The following MAP3K11 variants were observed in gnomAD, a reference collection of about 807,000 sequenced individuals.
MAP3K11 encodes mitogen-activated protein kinase kinase kinase 11.
Under a neutral mutation model 84.9 loss-of-function variants are expected in MAP3K11, and 46 were observed. The ratio of observed to expected loss-of-function variants is 0.54; its 90% confidence interval spans 0.43 to 0.69. The LOEUF (loss-of-function observed/expected upper bound fraction) is 0.69, where lower values mean the gene tolerates loss of function less well. Among genes scored for constraint, MAP3K11 ranks in the 30% least tolerant of loss-of-function variants. The pLI, the probability that MAP3K11 is intolerant of heterozygous loss-of-function variation, is 0.00. For synonymous variants in MAP3K11, 527 were observed against 514.7 expected (o/e 1.02, Z -0.32); for missense variants, 1,053 against 1,198.3 (o/e 0.88, Z 1.79).
chr11:65,605,207 G>A (rs970895869), intron 8 of MAP3K11, among the ~76,000 whole-genome samples: 15 of 152,170 alleles, frequency 9.9e-5, no homozygotes, highest in Non-Finnish European at 1.6e-4. Flanking sequence ...GGCAGTTACC[G>A]TCATGGAGAA....
chr11:65,613,257 A>T lies in MAP3K11; in HGVS notation c.500T>A (p.Leu167His). 6.2e-7 allele frequency: 1 copy of T among 1,610,068 alleles called. No homozygotes were observed. The highest frequency in any genetic ancestry group is 2.2e-5 in the East Asian group (1 of 44,790). Residue 167 changes from leucine (L) to histidine (H), a missense_variant, in exon 1 of 10, where the codon CTC becomes CAC. Coordinates refer to ENST00000309100, the MANE Select transcript of MAP3K11 (RefSeq NM_002419.4). ...TAESVRQEAR[L>H]FAMLAHPNII... ...GTTGGGGTGTGCCAGCATGGCGAAG[A>T]GCCGGGCCTCCTGGCGAACGCTCTC...
At chr11:65,607,028 G>T in intron 5 of MAP3K11, 1 of 636,542 alleles carries the variant, frequency 1.6e-6, no homozygotes, top group Non-Finnish European at 2.5e-6. Context: ...CCGCCCACTA[G>T]ACCTTCCCAG....
rs561470290 is a variant in MAP3K11 at position 65,613,469 on chromosome 11, C to T, written c.288G>A (p.Pro96=). ...GQVGGQVGIF[P]SNYVSRGGGP... is the part of the protein sequence containing the mutation. ...CGCCACCCCGAGACACATAGTTGGA[C>T]GGGAAGATGCCCACCTGGCCACCCA... The change falls in exon 1 of 10, where the codon CCG becomes CCA. Residue 96 remains proline, a synonymous_variant. Coordinates refer to ENST00000309100, the MANE Select transcript of MAP3K11 (RefSeq NM_002419.4). 12 of 1,612,150 alleles carry T rather than the reference C, an allele frequency of 7.4e-6. No homozygotes were observed. Among genetic ancestry groups the T allele is most frequent in the Middle Eastern group, 1.7e-4 (1 of 6,060 alleles).
chr11:65,598,501 G>C lies in MAP3K11; in HGVS notation c.2334C>G (p.Pro778=), dbSNP rs759384386. 6.2e-7 allele frequency: 1 copy of C among 1,613,792 alleles called. No homozygotes were observed. The highest frequency in any genetic ancestry group is 2.2e-5 in the East Asian group (1 of 44,870). ...RPSPLRSRID[P]WSFVSAGPRP... ...GTGGCCCAGCTGACACAAAGCTCCA[G>C]GGATCAATGCGGCTGCGAAGGGGCG... is the stretch of plus-strand genomic sequence containing the variant. The change falls in exon 10 of 10, where the codon CCC becomes CCG. Residue 778 remains proline, a synonymous_variant. Transcript: ENST00000309100.
At chr11:65,601,617 G>A (rs181380377) in intron 8 of MAP3K11, among the ~76,000 whole-genome samples, 6 of 151,336 alleles carry the variant, frequency 4.0e-5, no homozygotes, top group East Asian at 2.0e-4. Context: ...TTAGCCAGGC[G>A]TGGTGGTGGG....
At chr11:65,612,746 G>A (rs1264059719) in intron 1 of MAP3K11, 2 of 357,734 alleles carry the variant, frequency 5.6e-6, no homozygotes, top group African/African-American at 4.2e-5. Context: ...GGATGCTTAT[G>A]GCCCACCTGA....
At chr11:65,599,364 T>G (rs909343410) in intron 9 of MAP3K11, 30 bp downstream of exon 9, 2 of 1,530,436 alleles carry the variant, frequency 1.3e-6, no homozygotes, top group East Asian at 2.6e-5. Context: ...GTCTCCCATA[T>G]GTGAAGCAGG....
Position 65,613,814 on chromosome 11 carries a change from AC to A in MAP3K11, c.-59del. 2.1e-6 allele frequency: 3 copies of A among 1,453,250 alleles called. No homozygotes were observed. Among genetic ancestry groups the A allele is most frequent in the Non-Finnish European group, 2.7e-6 (3 of 1,105,960 alleles). 90.0% of individuals were successfully genotyped at this position (1,453,250 alleles called of 1,614,324 possible). On this transcript the variant is annotated 5_prime_UTR_variant, in exon 1 of 10. Transcript: ENST00000309100. The stretch of plus-strand genomic sequence containing the variant: ...CCTTCTCTGGGTGCCCGTGGTCCCC[AC>A]CCCCGCTGGCTGCCAAGGCCCTAGT...
At chr11:65,608,716 C>A in intron 1 of MAP3K11, 1 of 400,530 alleles carries the variant, frequency 2.5e-6, no homozygotes, top group Non-Finnish European at 4.6e-6. Context: ...CTCCTGGGTT[C>A]AAGCGATTGT....
chr11:65,610,277 T>C (rs1854558589), intron 1 of MAP3K11: 1 of 152,190 alleles, frequency 6.6e-6, no homozygotes, highest in Non-Finnish European at 1.5e-5. Flanking sequence ...ATCTACCCAC[T>C]CCTCTGAGCC....
chr11:65,607,313 C>T lies in MAP3K11; in HGVS notation c.1446G>A (p.Lys482=). The change falls in exon 5 of 10, where the codon AAG becomes AAA. Residue 482 remains lysine, a synonymous_variant. Coordinates refer to ENST00000309100, the MANE Select transcript of MAP3K11 (RefSeq NM_002419.4). ...RRRRGTFKRS[K]LRARDGGERI... ...GCTCGCCGCCGTCGCGCGCCCGGAG[C>T]TTGCTGCGCTTGAATGTCCCGCGGC... 2.0e-6 allele frequency: 3 copies of T among 1,522,094 alleles called. No homozygotes were observed. The highest frequency in any genetic ancestry group is 2.6e-6 in the Non-Finnish European group (3 of 1,143,912). 94.3% of individuals were successfully genotyped at this position (1,522,094 alleles called of 1,614,324 possible). A position where few individuals can be genotyped will look rare whatever the true frequency, so the allele number is the denominator to read the frequency against.
At chr11:65,601,847 G>A (rs866885516) in intron 8 of MAP3K11, among the ~76,000 whole-genome samples, 18 of 151,514 alleles carry the variant, frequency 1.2e-4, no homozygotes, top group Middle Eastern at 3.2e-3. Context: ...CCCCCACTTC[G>A]CAGGTGAAGA....
intron 8 of MAP3K11, among the ~76,000 whole-genome samples, chr11:65,601,433 G>A (rs1392582993): frequency 1.3e-5 from 2 of 152,162 alleles, no homozygotes; most frequent in South Asian, 2.1e-4. Context: ...TCAGGGCAGT[G>A]TTTAACATGT....
chr11:65,613,980 G>C lies in MAP3K11; in HGVS notation c.-224C>G, dbSNP rs1197927035. ...CAGGGCAGTGTGGTCAGGCCGGGGG[G>C]GTGGGGCCCCGGGGCCTCCGGCGCC... On this transcript the variant is annotated 5_prime_UTR_variant, in exon 1 of 10. Coordinates refer to ENST00000309100, the MANE Select transcript of MAP3K11 (RefSeq NM_002419.4). 8 of 576,760 alleles carry C rather than the reference G, an allele frequency of 1.4e-5. No individual in the cohort carries two copies. The East Asian group carries it at 2.2e-4, about 16-fold the overall frequency. The allele number at this position is 576,760 out of a possible 1,614,324, so 35.7% of individuals were successfully genotyped here. A position where few individuals can be genotyped will look rare whatever the true frequency, so the allele number is the denominator to read the frequency against.
At position 65,613,648 on chromosome 11, in the gene MAP3K11, T is replaced by G. The variant is rs1363005413; in HGVS notation, c.109A>C (p.Lys37Gln). ...ACCGGGTTGGCATAACCCGCTGCCT[T>G]TGGAGACCCCTCAGGCCGGCCTCCT... ...GGGGRPEGSP[K>Q]AAGYANPVWT... Residue 37 changes from lysine (K) to glutamine (Q), a missense_variant, in exon 1 of 10, where the codon AAG becomes CAG. Coordinates refer to ENST00000309100, the MANE Select transcript of MAP3K11 (RefSeq NM_002419.4). The G allele has an allele frequency of 6.2e-7, 1 of 1,612,814 alleles. No homozygotes were observed. The highest frequency in any genetic ancestry group is 8.5e-7 in the Non-Finnish European group (1 of 1,179,984).
At chr11:65,601,485 G>A (rs927431952) in intron 8 of MAP3K11, among the ~76,000 whole-genome samples, 4 of 152,218 alleles carry the variant, frequency 2.6e-5, no homozygotes, top group Non-Finnish European at 4.4e-5. Context: ...GGCCAGGCGC[G>A]GTGGCTCACA....
chr11:65,601,962 G>C (rs1351234459), intron 8 of MAP3K11, among the ~76,000 whole-genome samples: 1 of 151,936 alleles, frequency 6.6e-6, no homozygotes, highest in Non-Finnish European at 1.5e-5. Flanking sequence ...CCAGCACTTT[G>C]GGAGGCCAAG....
At position 65,606,548 on chromosome 11, in the gene MAP3K11, G is replaced by T. The variant is rs565633203; in HGVS notation, c.1603+143C>A. On this transcript the variant is annotated intron_variant, in intron 6 of 9. Coordinates refer to ENST00000309100, the MANE Select transcript of MAP3K11 (RefSeq NM_002419.4). Reference sequence around the variant, plus strand: ...ATTAATGCTGCTTGGGGAGTTCAGAGGTAACAGGCTAGACCTAAGGCAGGG... The same window carrying T: ...ATTAATGCTGCTTGGGGAGTTCAGATGTAACAGGCTAGACCTAAGGCAGGG... 1.0e-5 allele frequency: 6 copies of T among 586,310 alleles called. No individual in the cohort carries two copies. The African/African-American group carries it at 1.2e-4, about 11-fold the overall frequency. 36.3% of individuals were successfully genotyped at this position (586,310 alleles called of 1,614,324 possible).
At chr11:65,607,881 C>T in intron 3 of MAP3K11, 41 bp downstream of exon 3, 8 of 1,608,994 alleles carry the variant, frequency 5.0e-6, no homozygotes, top group Non-Finnish European at 6.0e-6. Context: ...TGTCCTGGGC[C>T]AGGGAGCTCT....
Sources: gnomAD v4.1 joint callset for allele counts (sites outside exome capture counted in the v4.1 genomes callset) on GRCh38, gnomAD v4.1.1 for gene constraint, MANE v1.5 for transcripts, NCBI Gene and HGNC (gene_info 2026-07-23, HGNC 2026-07-21) for gene names.